The following SPON1 variants were observed in gnomAD, a reference collection of about 807,000 sequenced individuals.
The protein encoded by SPON1 is spondin 1, also known as spondin-1.
In SPON1, 52 loss-of-function variants were observed where a neutral mutation model predicts 111.7. The ratio of observed to expected loss-of-function variants is 0.47; its 90% CI spans 0.37 to 0.59. The LOEUF (loss-of-function observed/expected upper bound fraction) is 0.59. Among genes scored for constraint, SPON1 ranks in the 20% least tolerant of loss-of-function variants. The probability of loss-of-function intolerance (pLI) is 0.00; values close to 1 mark genes in which losing one functional copy is unlikely to be tolerated. For missense variants in SPON1, 957 were observed against 1,068.5 expected (o/e 0.90, Z 1.46); for synonymous variants, 410 against 395.8 (o/e 1.04, Z -0.43).
chr11:14,238,624 G>T (rs1330291588), intron 6 of SPON1, among the ~76,000 whole-genome samples: 1 of 152,168 alleles, frequency 6.6e-6, no homozygotes, highest in Non-Finnish European at 1.5e-5. Flanking sequence ...CTCCAGAACA[G>T]ATCTGTCCCA....
intron 6 of SPON1, among the ~76,000 whole-genome samples, chr11:14,206,855 G>A (rs1554936242): frequency 2.6e-5 from 4 of 151,996 alleles, no homozygotes; most frequent in Non-Finnish European, 5.9e-5. Flanking sequence ...AACTACCACT[G>A]AGACTCTTCA....
intron 2 of SPON1, among the ~76,000 whole-genome samples, chr11:14,011,349 G>T (rs1554913712): frequency 6.6e-6 from 1 of 152,116 alleles, no homozygotes; most frequent in East Asian, 1.9e-4. Context: ...ACAAGGTACT[G>T]CGGTTCTTAT....
At chr11:14,067,292 CTA>C (rs1159165810) in intron 3 of SPON1, among the ~76,000 whole-genome samples, 1 of 152,190 alleles carries the variant, frequency 6.6e-6, no homozygotes. Context: ...ACTGCCCTCC[CTA>C]TATCCCACCA....
chr11:14,262,601 C>G (rs1554942001), intron 14 of SPON1, 111 bp from the exon 15 acceptor site: 2 of 1,384,462 alleles, frequency 1.4e-6, no homozygotes, highest in Admixed American at 1.9e-5. Flanking sequence ...AATAGCATGA[C>G]ACAGCACCTG....
intron 6 of SPON1, among the ~76,000 whole-genome samples, chr11:14,149,070 C>G (rs1415047088): frequency 1.1e-4 from 16 of 152,084 alleles, no homozygotes; most frequent in Admixed American, 1.0e-3. Context: ...AGAGGGTACT[C>G]CTACTTATTT....
chr11:14,249,612 A>C (rs1849031774), intron 7 of SPON1, among the ~76,000 whole-genome samples: 1 of 152,176 alleles, frequency 6.6e-6, no homozygotes, highest in South Asian at 2.1e-4. Context: ...ACAGCATATG[A>C]GTGTTTTAGG....
At chr11:14,044,512 T>C (rs4340032) in intron 3 of SPON1, among the ~76,000 whole-genome samples, 15,642 of 152,226 alleles carry the variant, frequency 0.1, 902 homozygotes, top group Middle Eastern at 0.14. Flanking sequence ...CTCGGGAGGC[T>C]GAGGCAGGAG....
rs567263599 is a variant in SPON1 at position 14,215,773 on chromosome 11, C to G, written c.826-27559C>G. Among the ~76,000 whole-genome samples the G allele has an allele frequency of 4.6e-5, 7 of 152,272 alleles. No homozygotes were observed. The East Asian group carries it at 1.3e-3, about 29-fold the overall frequency. On this transcript the variant is annotated intron_variant, in intron 6 of 15. Transcript: ENST00000576479. ...CGACTTAAGATAGAAGTATATTTCC[C>G]CTTGTACATCACAGTTTAGAGGTGA...
intron 5 of SPON1, among the ~76,000 whole-genome samples, chr11:14,131,456 C>A (rs1474449404): frequency 6.6e-6 from 1 of 152,184 alleles, no homozygotes; most frequent in Non-Finnish European, 1.5e-5. Context: ...GCCAGTCCTG[C>A]GCCCGGCAAA....
chr11:14,203,080 T>A (rs1288663483), intron 6 of SPON1, among the ~76,000 whole-genome samples: 1 of 152,182 alleles, frequency 6.6e-6, no homozygotes, highest in Non-Finnish European at 1.5e-5. Flanking sequence ...GCGCAAGATG[T>A]CCTGATTTAG....
intron 6 of SPON1, among the ~76,000 whole-genome samples, chr11:14,209,014 G>A (rs1320615135): frequency 3.3e-5 from 5 of 152,126 alleles, no homozygotes; most frequent in Non-Finnish European, 5.9e-5. Flanking sequence ...AAAATAAGTG[G>A]CGATTCTGAT....
At chr11:14,178,346 C>T (rs1170033255) in intron 6 of SPON1, among the ~76,000 whole-genome samples, 2 of 150,282 alleles carry the variant, frequency 1.3e-5, no homozygotes, top group Admixed American at 1.3e-4. Flanking sequence ...GGCGTGAACA[C>T]AGGAGGCAGA....
chr11:14,178,671 A>G (rs1554933387), intron 6 of SPON1, among the ~76,000 whole-genome samples: 1 of 152,260 alleles, frequency 6.6e-6, no homozygotes, highest in Non-Finnish European at 1.5e-5. Context: ...TTATGGCTAG[A>G]GTTGGTAAAG....
chr11:14,164,551 G>C (rs76965695), intron 6 of SPON1, among the ~76,000 whole-genome samples: 2 of 152,152 alleles, frequency 1.3e-5, no homozygotes, highest in East Asian at 1.9e-4. Context: ...TCTAAGCTAC[G>C]ATATTTGAGG....
intron 3 of SPON1, among the ~76,000 whole-genome samples, chr11:14,068,892 A>T (rs1349993955): frequency 6.6e-6 from 1 of 152,148 alleles, no homozygotes; most frequent in African/African-American, 2.4e-5. Context: ...TCTAGCTTTC[A>T]TCTAACCTTA....
At chr11:14,233,235 T>C (rs1488441092) in intron 6 of SPON1, among the ~76,000 whole-genome samples, 1 of 152,098 alleles carries the variant, frequency 6.6e-6, no homozygotes, top group Non-Finnish European at 1.5e-5. Flanking sequence ...TCACATCCAA[T>C]CCATCAGCAG....
At chr11:14,158,055 T>C (rs1847869617) in intron 6 of SPON1, among the ~76,000 whole-genome samples, 1 of 152,250 alleles carries the variant, frequency 6.6e-6, no homozygotes, top group East Asian at 1.9e-4. Context: ...ATGCCAGACA[T>C]GTGTATGATA....
At chr11:14,055,216 T>G (rs112928751) in intron 3 of SPON1, among the ~76,000 whole-genome samples, 55 of 152,320 alleles carry the variant, frequency 3.6e-4, no homozygotes, top group African/African-American at 1.3e-3. Flanking sequence ...TGTTTCTTTG[T>G]ACATTGAGAT....
chr11:13,963,285 C>T (rs1471672324), intron 1 of SPON1, 143 bp downstream of exon 1: 1 of 588,574 alleles, frequency 1.7e-6, no homozygotes, highest in East Asian at 3.4e-5. Flanking sequence ...TCCTGGCTGC[C>T]CTCGGCCCTT....
Sources: gnomAD v4.1 joint callset for allele counts (sites outside exome capture counted in the v4.1 genomes callset) on GRCh38, gnomAD v4.1.1 for gene constraint, MANE v1.5 for transcripts, NCBI Gene and HGNC (gene_info 2026-07-23, HGNC 2026-07-21) for gene names.